Variants in GOLPH3L observed in about 807,000 individuals in gnomAD.
The protein encoded by GOLPH3L is golgi phosphoprotein 3 like, also known as Golgi phosphoprotein 3-like.
Under a neutral mutation model 30.3 loss-of-function variants are expected in GOLPH3L, and 22 were observed. That is an observed-to-expected ratio of 0.73 (90% confidence interval 0.52 to 1.04). The LOEUF (loss-of-function observed/expected upper bound fraction) is 1.04. Ranked by LOEUF, GOLPH3L falls within the 50% of genes least tolerant of loss-of-function variation. The probability of loss-of-function intolerance (pLI) is 0.00; values close to 1 mark genes in which losing one functional copy is unlikely to be tolerated. For missense variants in GOLPH3L, 303 were observed against 345.8 expected, an observed-to-expected ratio of 0.88 and a Z score of 0.98; for synonymous variants, 120 against 128.2, an observed-to-expected ratio of 0.94 and a Z score of 0.43.
chr1:150,692,513 G>A (rs587708601), intron 2 of GOLPH3L, among the ~76,000 whole-genome samples: 102 of 152,298 alleles, frequency 6.7e-4, no homozygotes, highest in Admixed American at 1.9e-3. Flanking sequence ...AGCCTCCTGA[G>A]TAGCTAGGAC....
intron 3 of GOLPH3L, among the ~76,000 whole-genome samples, chr1:150,663,104 G>A (rs955907252): frequency 4.6e-5 from 7 of 151,614 alleles, no homozygotes; most frequent in African/African-American, 1.7e-4. Context: ...GCGGGATCTT[G>A]GCTCACTGCA....
intron 2 of GOLPH3L, among the ~76,000 whole-genome samples, chr1:150,669,627 A>C (rs1478061905): frequency 2.6e-5 from 4 of 152,168 alleles, no homozygotes; most frequent in African/African-American, 9.6e-5. Context: ...GGAGAATCTC[A>C]GAGAATTTGC....
intron 3 of GOLPH3L, among the ~76,000 whole-genome samples, chr1:150,662,907 T>A (rs983353966): frequency 2.0e-5 from 3 of 152,144 alleles, no homozygotes; most frequent in Non-Finnish European, 4.4e-5. Context: ...AGAAAATGGA[T>A]ACAGGAGTAT....
At chr1:150,688,159 A>G (rs1557789720) in intron 2 of GOLPH3L, among the ~76,000 whole-genome samples, 1 of 152,242 alleles carries the variant, frequency 6.6e-6, no homozygotes, top group Non-Finnish European at 1.5e-5. Flanking sequence ...TGGTGATTAC[A>G]TGACTGTTGG....
rs114384237 is a variant in GOLPH3L, at chr1:150,666,283, C to T, written c.184-2520G>A. Reference sequence around the variant, plus strand: ...AGGACTTCAGTCTTTATTTTAACCCCGTCTTTTAACCTTTTATATTTTCCA... The same window carrying T: ...AGGACTTCAGTCTTTATTTTAACCCTGTCTTTTAACCTTTTATATTTTCCA... On this transcript the variant is annotated intron_variant, in intron 2 of 4. Transcript: ENST00000271732. Among the ~76,000 whole-genome samples the T allele has an allele frequency of 2.4e-3, 371 of 152,056 alleles. 1 individual carries two copies. The highest frequency in any genetic ancestry group is 8.6e-3 in the African/African-American group (358 of 41,502).
At chr1:150,696,796 A>AGGGGGGGGGGGGG (rs1382749413) in intron 1 of GOLPH3L, among the ~76,000 whole-genome samples, 196 bp downstream of exon 1, 1 of 6,816 alleles carries the variant, frequency 1.5e-4, no homozygotes, top group African/African-American at 5.1e-4. Context: ...GCAGGGGGGG[A>AGGGGGGGGGGGGG]GGGGGAGAGG....
chr1:150,675,875 T>TC, intron 2 of GOLPH3L, among the ~76,000 whole-genome samples: 1 of 141,298 alleles, frequency 7.1e-6, no homozygotes, highest in Non-Finnish European at 1.5e-5. Context: ...CTACAGGGAG[T>TC]CAGTAGGATA....
chr1:150,685,322 C>G (rs1235132235), intron 2 of GOLPH3L, among the ~76,000 whole-genome samples: 1 of 152,086 alleles, frequency 6.6e-6, no homozygotes, highest in Non-Finnish European at 1.5e-5. Context: ...AACATTTGAA[C>G]AAGAAAGATA....
At chr1:150,680,760 G>A (rs961035146) in intron 2 of GOLPH3L, among the ~76,000 whole-genome samples, 10 of 152,154 alleles carry the variant, frequency 6.6e-5, no homozygotes, top group African/African-American at 2.4e-4. Flanking sequence ...ATTTAATTAA[G>A]AGCCAAGACT....
chr1:150,670,413 C>G (rs1169606189), intron 2 of GOLPH3L, among the ~76,000 whole-genome samples: 1 of 151,878 alleles, frequency 6.6e-6, no homozygotes, highest in Non-Finnish European at 1.5e-5. Context: ...CTGGCTAACA[C>G]GGTGAAACCC....
At chr1:150,670,213 G>T (rs1470914719) in intron 2 of GOLPH3L, among the ~76,000 whole-genome samples, 2 of 152,086 alleles carry the variant, frequency 1.3e-5, no homozygotes, top group East Asian at 3.9e-4. Context: ...AGTGAGCTGA[G>T]ATCTCACCAC....
intron 2 of GOLPH3L, among the ~76,000 whole-genome samples, chr1:150,671,402 C>T (rs968756124): frequency 2.0e-5 from 3 of 152,148 alleles, no homozygotes; most frequent in African/African-American, 7.2e-5. Context: ...TGCTGAATTT[C>T]CACTTAGTCA....
chr1:150,657,439 CAGG>C (rs1650264717), intron 4 of GOLPH3L, among the ~76,000 whole-genome samples: 1 of 152,236 alleles, frequency 6.6e-6, no homozygotes, highest in Non-Finnish European at 1.5e-5. Context: ...TCATCTTTTA[CAGG>C]AGGAGTTAAT....
intron 1 of GOLPH3L, among the ~76,000 whole-genome samples, chr1:150,695,996 ATACTT>A: frequency 6.6e-6 from 1 of 152,348 alleles, no homozygotes; most frequent in African/African-American, 2.4e-5. Context: ...TATAGTTAGC[ATACTT>A]TATTTTATAT....
chr1:150,685,065 G>A (rs587696102), intron 2 of GOLPH3L, among the ~76,000 whole-genome samples: 68 of 152,242 alleles, frequency 4.5e-4, no homozygotes, highest in African/African-American at 1.6e-3. Flanking sequence ...TGGACTTGTT[G>A]CCCTTTATGA....
At chr1:150,688,570 G>A (rs959813936) in intron 2 of GOLPH3L, among the ~76,000 whole-genome samples, 1 of 152,122 alleles carries the variant, frequency 6.6e-6, no homozygotes, top group African/African-American at 2.4e-5. Flanking sequence ...TGGCCAACAT[G>A]GTGAAACCCC....
chr1:150,672,781 C>T (rs1038696127), intron 2 of GOLPH3L, among the ~76,000 whole-genome samples: 1 of 152,086 alleles, frequency 6.6e-6, no homozygotes, highest in Non-Finnish European at 1.5e-5. Flanking sequence ...CTGTTTAATC[C>T]TATTGGAGAA....
intron 4 of GOLPH3L, among the ~76,000 whole-genome samples, chr1:150,654,878 TAGG>T (rs1404901871): frequency 5.9e-5 from 9 of 152,234 alleles, no homozygotes; most frequent in African/African-American, 2.2e-4. Flanking sequence ...AGATTACTTC[TAGG>T]AGATCTAGTT....
At chr1:150,666,840 G>A in intron 2 of GOLPH3L, among the ~76,000 whole-genome samples, 1 of 151,876 alleles carries the variant, frequency 6.6e-6, no homozygotes, top group African/African-American at 2.4e-5. Context: ...ATTTTAATAT[G>A]GGACAATATA....
Sources: gnomAD v4.1 joint callset for allele counts (sites outside exome capture counted in the v4.1 genomes callset) on GRCh38, gnomAD v4.1.1 for gene constraint, MANE v1.5 for transcripts, NCBI Gene and HGNC (gene_info 2026-07-23, HGNC 2026-07-21) for gene names.